BRD1: variants seen among roughly 807,000 people sequenced by gnomAD.
The protein encoded by BRD1 is bromodomain containing 1.
In BRD1, 24 loss-of-function variants were observed where a neutral mutation model predicts 107.7. That is an observed-to-expected ratio of 0.22 (90% CI 0.16 to 0.31). The LOEUF is 0.31. BRD1 is among the 10% of genes least tolerant of loss of function. The pLI is 1.00. For synonymous variants in BRD1, 744 were observed against 686.1 expected, an observed-to-expected ratio of 1.08 and a Z score of -1.32; for missense variants, 1,279 against 1,638.6, an observed-to-expected ratio of 0.78 and a Z score of 3.79.
At position 49,776,129 on chromosome 22, in the gene BRD1, G is replaced by A. The variant is rs544333332; in HGVS notation, c.3152C>T (p.Thr1051Ile). 1.2e-6 allele frequency: 2 copies of A among 1,606,166 alleles called. No homozygotes were observed. Among genetic ancestry groups the A allele is most frequent in the East Asian group, 2.2e-5 (1 of 44,832 alleles). The change falls in exon 11 of 13, where the codon ACT becomes ATT. Residue 1051 changes from threonine (T) to isoleucine (I), a missense_variant. By Grantham distance (89) the Thr-to-Ile change is moderately conservative (BLOSUM62 -1). Coordinates refer to ENST00000404760, the MANE Select transcript of BRD1 (RefSeq NM_001304808.3). ...CTCCAGCACCGAGGCGGCGGCATCA[G>A]TGGAGATCCACATGCTGCTCTGGCC... ...EVGQSSMWIS[T>I]DAAASVLEPL... is the part of the protein sequence containing the mutation.
At chr22:49,806,409 G>C (rs1168828106) in intron 2 of BRD1, 1 of 152,224 alleles carries the variant, frequency 6.6e-6, no homozygotes, top group Non-Finnish European at 1.5e-5. Context: ...TACTTGGGAG[G>C]CTGAGGGAGC....
chr22:49,823,001 C>T lies in BRD1; in HGVS notation c.1317G>A (p.Glu439=). The T allele has an allele frequency of 1.2e-6, 2 of 1,614,260 alleles. No individual in the cohort carries two copies. Among genetic ancestry groups the T allele is most frequent in the Non-Finnish European group, 1.7e-6 (2 of 1,180,056 alleles). ...ACACGGTCGGCAGGACCGCGCAGGG[C>T]TCAGCCAGAGCTTTCTTAGCCTTTT... ...KAKKAKKALA[E]PCAVLPTVCA... is the part of the protein sequence containing the mutation. Residue 439 remains glutamate (E), a synonymous_variant, in exon 2 of 13, where the codon GAG becomes GAA. Coordinates refer to ENST00000404760, the MANE Select transcript of BRD1 (RefSeq NM_001304808.3).
chr22:49,792,488 T>C lies in BRD1; in HGVS notation c.2359+1546A>G, dbSNP rs2059453366. On this transcript the variant is annotated intron_variant, in intron 7 of 12. Coordinates refer to ENST00000404760, the MANE Select transcript of BRD1 (RefSeq NM_001304808.3). The surrounding 1 kb of genome is among the most constrained non-coding windows in gnomAD (Gnocchi z 4.2). ...CAGGTATGGCTGCCAGAGGGTCCTGTAGGCAAACGTTCCTCAGAAAAAACA... is the reference window on the plus strand; with the variant it reads ...CAGGTATGGCTGCCAGAGGGTCCTGCAGGCAAACGTTCCTCAGAAAAAACA... Among the ~76,000 whole-genome samples the C allele has an allele frequency of 1.3e-5, 2 of 152,264 alleles. No homozygotes were observed. The highest frequency in any genetic ancestry group is 3.4e-3 in the Middle Eastern group (1 of 294).
intron 2 of BRD1, among the ~76,000 whole-genome samples, chr22:49,814,933 C>A (rs2059921541): frequency 6.6e-6 from 1 of 152,180 alleles, no homozygotes; most frequent in South Asian, 2.1e-4. Context: ...CTTCTACATG[C>A]CTGGGGTGCT....
Position 49,783,698 on chromosome 22 carries a change from G to A in BRD1, c.2857+3692C>T, listed in dbSNP as rs750179476. 2.0e-5 allele frequency among the ~76,000 whole-genome samples: 3 copies of A among 152,080 alleles called. No individual in the cohort carries two copies. The highest frequency in any genetic ancestry group is 4.4e-5 in the Non-Finnish European group (3 of 67,998). On this transcript the variant is annotated intron_variant, in intron 8 of 12. Coordinates refer to ENST00000404760, the MANE Select transcript of BRD1 (RefSeq NM_001304808.3). This position sits in a 1 kb window ranked among gnomAD's most constrained non-coding sequence, Gnocchi z 4.2. ...ATCCCGCCAGCTCCAGGCGTGCACC[G>A]GGCGCCAGCACCATTCCCACTGCCG...
chr22:49,822,792 G>A (rs527805356), intron 2 of BRD1, among the ~76,000 whole-genome samples, 159 bp downstream of exon 2: 4 of 152,184 alleles, frequency 2.6e-5, no homozygotes, highest in Admixed American at 6.5e-5. Context: ...CCAAAAAGAC[G>A]TGGTAAACAA....
At chr22:49,778,865 G>T (rs985662739) in intron 8 of BRD1, among the ~76,000 whole-genome samples, 4 of 152,080 alleles carry the variant, frequency 2.6e-5, no homozygotes, top group African/African-American at 9.7e-5. Context: ...GTTTCACCGT[G>T]TTAGCCAGGA....
In BRD1 at chr22:49,794,127, T is replaced by C. The variant is rs1389753849; in HGVS notation, c.2266A>G (p.Ser756Gly). ...GGCAGGGGCTGGCTGTGCTGCTGGC[T>C]CAGCTTGTTTCGGAGAAGGGCAATT... ...KEIALLRNKL[S>G]QQHSQPLPTG... The change falls in exon 7 of 13, where the codon AGC becomes GGC. Residue 756 changes from serine (S) to glycine (G), a missense_variant. Ser to Gly is a moderately conservative substitution (Grantham distance 56). Transcript: ENST00000404760. 2.5e-6 allele frequency: 4 copies of C among 1,614,250 alleles called. No homozygotes were observed. The highest frequency in any genetic ancestry group is 4.5e-5 in the East Asian group (2 of 44,890).
At chr22:49,787,310 CCCG>C in intron 8 of BRD1, 77 bp downstream of exon 8, 1 of 1,138,884 alleles carries the variant, frequency 8.8e-7, no homozygotes, top group Non-Finnish European at 1.2e-6. Flanking sequence ...CCCCCCCCCC[CCCG>C]TCACACCAAT....
intron 8 of BRD1, among the ~76,000 whole-genome samples, chr22:49,784,110 G>A (rs9627766): frequency 0.017 from 2,645 of 152,024 alleles, 68 homozygotes; most frequent in African/African-American, 0.061. Flanking sequence ...ATGGAGACTC[G>A]CAACAGGGGT....
At position 49,792,830 on chromosome 22, in the gene BRD1, A is replaced by G. The variant is rs76925057; in HGVS notation, c.2359+1204T>C. On this transcript the variant is annotated intron_variant, in intron 7 of 12. Coordinates refer to ENST00000404760, the MANE Select transcript of BRD1 (RefSeq NM_001304808.3). This position sits in a 1 kb window ranked among gnomAD's most constrained non-coding sequence, Gnocchi z 4.2. ...CTCTCATTCAAGTTGCCCAAATGTAAAACAGGATAAAAGGGGCGAAGCTCT... is the reference window on the plus strand; with the variant it reads ...CTCTCATTCAAGTTGCCCAAATGTAGAACAGGATAAAAGGGGCGAAGCTCT... Among the ~76,000 whole-genome samples, 5 of 152,290 alleles carry G rather than the reference A, an allele frequency of 3.3e-5. No individual in the cohort carries two copies. The highest frequency in any genetic ancestry group is 7.4e-5 in the Non-Finnish European group (5 of 68,018).
At chr22:49,810,729 C>A (rs2059834147) in intron 2 of BRD1, among the ~76,000 whole-genome samples, 1 of 152,216 alleles carries the variant, frequency 6.6e-6, no homozygotes, top group African/African-American at 2.4e-5. Context: ...CACTGTGGAA[C>A]TGCAAAGCAA....
chr22:49,798,226 A>G (rs1282255651), intron 5 of BRD1, 109 bp from the exon 6 acceptor site: 1 of 1,153,330 alleles, frequency 8.7e-7, no homozygotes, highest in Non-Finnish European at 1.2e-6. Flanking sequence ...TGAGAGCCAC[A>G]CACAGACACG....
chr22:49,808,545 A>T (rs1428182431), intron 2 of BRD1, among the ~76,000 whole-genome samples: 5 of 152,182 alleles, frequency 3.3e-5, no homozygotes, highest in Non-Finnish European at 7.4e-5. Flanking sequence ...GTTCCTGTTT[A>T]ACTGGGACAG....
intron 2 of BRD1, among the ~76,000 whole-genome samples, chr22:49,814,930 A>G (rs2059921447): frequency 1.3e-5 from 2 of 152,216 alleles, no homozygotes; most frequent in African/African-American, 4.8e-5. Context: ...CATCTTCTAC[A>G]TGCCTGGGGT....
chr22:49,802,137 G>A (rs547826366), intron 3 of BRD1, among the ~76,000 whole-genome samples: 4 of 145,804 alleles, frequency 2.7e-5, no homozygotes, highest in African/African-American at 1.0e-4. Context: ...TCGCAGGGGC[G>A]GAGACCAATG....
At chr22:49,802,507 A>G (rs8136275) in intron 3 of BRD1, among the ~76,000 whole-genome samples, 54 of 482 alleles carry the variant, frequency 0.11, 24 homozygotes, top group African/African-American at 0.18. Context: ...CCAACATCGC[A>G]GGGGCCGAGA....
chr22:49,811,262 G>T (rs1342245715), intron 2 of BRD1, among the ~76,000 whole-genome samples: 1 of 152,226 alleles, frequency 6.6e-6, no homozygotes, highest in East Asian at 1.9e-4. Flanking sequence ...AAGGTGGGAA[G>T]TTGGGGTAAT....
intron 3 of BRD1, among the ~76,000 whole-genome samples, chr22:49,801,747 G>C (rs1012708753): frequency 6.6e-6 from 1 of 152,230 alleles, no homozygotes; most frequent in Non-Finnish European, 1.5e-5. Flanking sequence ...AGGCCTAACA[G>C]GCAGCGATGA....
Sources: gnomAD v4.1 joint callset for allele counts (sites outside exome capture counted in the v4.1 genomes callset) on GRCh38, gnomAD v4.1.1 for gene constraint, Gnocchi (gnomAD v3.1) non-coding constraint, MANE v1.5 for transcripts, NCBI Gene and HGNC (gene_info 2026-07-23, HGNC 2026-07-21) for gene names.